The following TANGO6 variants were observed in gnomAD, a reference collection of about 807,000 sequenced individuals.
TANGO6 encodes the protein transport and Golgi organization protein 6 homolog.
In TANGO6, 90 loss-of-function variants were observed where a neutral mutation model predicts 114.2. The ratio of observed to expected loss-of-function variants is 0.79; its 90% confidence interval spans 0.66 to 0.94. The LOEUF is 0.94. TANGO6 is among the 40% of genes least tolerant of loss of function. The pLI is 0.00. For missense variants in TANGO6, 1,274 were observed against 1,315.3 expected, an observed-to-expected ratio of 0.97 and a Z score of 0.49; for synonymous variants, 477 against 509.8, an observed-to-expected ratio of 0.94 and a Z score of 0.87.
intron 7 of TANGO6, among the ~76,000 whole-genome samples, chr16:68,886,668 CCA>C (rs1281195331): frequency 2.0e-5 from 3 of 152,030 alleles, no homozygotes; most frequent in Non-Finnish European, 4.4e-5. Flanking sequence ...GGCACCACGC[CCA>C]GTTAATTTTT....
At chr16:68,922,941 T>TTTG (rs1963115194) in intron 12 of TANGO6, among the ~76,000 whole-genome samples, 1 of 129,200 alleles carries the variant, frequency 7.7e-6, no homozygotes, top group Non-Finnish European at 1.7e-5. Context: ...TAGGTCATGT[T>TTTG]TTTTTTTTTT....
intron 7 of TANGO6, among the ~76,000 whole-genome samples, chr16:68,895,508 T>C (rs1368683349): frequency 1.3e-5 from 2 of 152,238 alleles, no homozygotes; most frequent in Admixed American, 1.3e-4. Context: ...ACTTTTGCCT[T>C]CCAGGCTAGT....
intron 15 of TANGO6, among the ~76,000 whole-genome samples, chr16:68,982,491 C>T (rs748717474): frequency 7.9e-5 from 12 of 151,968 alleles, no homozygotes; most frequent in Non-Finnish European, 1.6e-4. Context: ...CACCACGCCC[C>T]GCTAATTTTT....
chr16:68,980,431 ATATAT>A (rs1217479358), intron 15 of TANGO6, among the ~76,000 whole-genome samples: 47 of 75,928 alleles, frequency 6.2e-4, no homozygotes, highest in African/African-American at 1.6e-3. Flanking sequence ...ATATATATAT[ATATAT>A]TTTTTTTTTT....
intron 17 of TANGO6, among the ~76,000 whole-genome samples, chr16:69,079,958 T>C (rs1276731943): frequency 7.2e-5 from 11 of 152,240 alleles, no homozygotes; most frequent in Non-Finnish European, 1.6e-4. Flanking sequence ...CAGTGGCTTA[T>C]GCCTCTAATC....
intron 16 of TANGO6, among the ~76,000 whole-genome samples, chr16:69,023,984 T>C (rs1182562176): frequency 6.6e-6 from 1 of 151,990 alleles, no homozygotes; most frequent in Non-Finnish European, 1.5e-5. Context: ...CGTGGCTCAC[T>C]GCAACCTCCG....
chr16:68,946,768 C>G (rs984691834), intron 14 of TANGO6, among the ~76,000 whole-genome samples: 1 of 152,206 alleles, frequency 6.6e-6, no homozygotes, highest in Non-Finnish European at 1.5e-5. Flanking sequence ...TCCCAAAATG[C>G]TGAGATTACA....
chr16:69,012,384 C>G (rs1033600081), intron 15 of TANGO6, among the ~76,000 whole-genome samples: 2 of 151,512 alleles, frequency 1.3e-5, no homozygotes, highest in Non-Finnish European at 2.9e-5. Context: ...TGGAGAAACC[C>G]CATCTCTACT....
intron 17 of TANGO6, among the ~76,000 whole-genome samples, chr16:69,079,584 A>G (rs879485417): frequency 2.6e-5 from 4 of 151,636 alleles, no homozygotes; most frequent in Admixed American, 6.6e-5. Flanking sequence ...TTAAAAAAAA[A>G]TGGAGTTTTT....
chr16:68,895,098 G>A (rs917682734), intron 7 of TANGO6, among the ~76,000 whole-genome samples: 1 of 152,170 alleles, frequency 6.6e-6, no homozygotes, highest in Admixed American at 6.5e-5. Context: ...CTCCTCTTAT[G>A]AAGACTTTCT....
chr16:69,029,222 T>C (rs1226978726), intron 16 of TANGO6, among the ~76,000 whole-genome samples: 6 of 152,182 alleles, frequency 3.9e-5, no homozygotes, highest in African/African-American at 1.4e-4. Context: ...ACCCAGCCTG[T>C]TGAAAGATAA....
chr16:68,892,929 A>G (rs1403705629), intron 7 of TANGO6, among the ~76,000 whole-genome samples: 1 of 152,180 alleles, frequency 6.6e-6, no homozygotes, highest in East Asian at 1.9e-4. Context: ...CAGCTTTCCC[A>G]TATCTTGGTA....
intron 14 of TANGO6, among the ~76,000 whole-genome samples, chr16:68,939,830 A>G (rs764324992): frequency 1.2e-4 from 19 of 152,010 alleles, no homozygotes; most frequent in African/African-American, 3.6e-4. Context: ...ATTATTTGCA[A>G]CTTCACACAT....
chr16:68,974,535 G>A (rs376721951), intron 15 of TANGO6, among the ~76,000 whole-genome samples: 2 of 152,020 alleles, frequency 1.3e-5, no homozygotes, highest in African/African-American at 2.4e-5. Flanking sequence ...GGTGGTGTAC[G>A]CCTGTAATCC....
At chr16:69,074,285 A>G (rs982438000) in intron 17 of TANGO6, among the ~76,000 whole-genome samples, 46 of 151,544 alleles carry the variant, frequency 3.0e-4, no homozygotes, top group African/African-American at 8.2e-4. Flanking sequence ...GTGTGTATAT[A>G]TATATATATT....
chr16:69,042,429 C>T (rs1434244771), intron 17 of TANGO6, among the ~76,000 whole-genome samples: 3 of 152,140 alleles, frequency 2.0e-5, no homozygotes, highest in Admixed American at 1.3e-4. Context: ...CACCTGTAAT[C>T]CAGGCTACTT....
chr16:68,858,278 G>T (rs1962032533), intron 1 of TANGO6, among the ~76,000 whole-genome samples: 1 of 152,102 alleles, frequency 6.6e-6, no homozygotes, highest in South Asian at 2.1e-4. Context: ...TGGCCAGGCT[G>T]GTCTCCAACT....
chr16:68,907,677 G>A, intron 10 of TANGO6, 102 bp downstream of exon 10: 2 of 1,355,822 alleles, frequency 1.5e-6, no homozygotes, highest in East Asian at 5.2e-5. Flanking sequence ...TAAAATGTAG[G>A]CCCTAATTTA....
At chr16:69,065,492 C>T (rs1157842181) in intron 17 of TANGO6, among the ~76,000 whole-genome samples, 2 of 152,320 alleles carry the variant, frequency 1.3e-5, no homozygotes, top group East Asian at 3.9e-4. Flanking sequence ...AAAAACCACA[C>T]ATGATACCCG....
Sources: allele counts gnomAD v4.1 joint callset (sites outside exome capture counted in the v4.1 genomes callset), GRCh38; gene constraint gnomAD v4.1.1; transcripts MANE v1.5; gene names NCBI Gene and HGNC (gene_info 2026-07-23, HGNC 2026-07-21).